Variants in GPATCH2L observed in about 807,000 individuals in gnomAD.
GPATCH2L encodes the protein G patch domain-containing protein 2-like.
GPATCH2L carries 31 observed loss-of-function variants against 57.4 expected under a neutral mutation model. The ratio of observed to expected loss-of-function variants is 0.54; its 90% CI spans 0.41 to 0.73. GPATCH2L has a LOEUF of 0.73. GPATCH2L is among the 30% of genes least tolerant of loss of function. The probability of loss-of-function intolerance (pLI) is 0.00; values close to 1 mark genes in which losing one functional copy is unlikely to be tolerated. For synonymous variants in GPATCH2L, 199 were observed against 210.7 expected, an observed-to-expected ratio of 0.94 and a Z score of 0.48; for missense variants, 481 against 599.9, an observed-to-expected ratio of 0.80 and a Z score of 2.07.
At chr14:76,153,672 G>A (rs2038159905) in intron 1 of GPATCH2L, 1 of 152,228 alleles carries the variant, frequency 6.6e-6, no homozygotes, top group Admixed American at 6.5e-5. Context: ...ATACCTGGTA[G>A]CTTCCAGGTG....
At chr14:76,191,906 A>G (rs187760238) in intron 8 of GPATCH2L, among the ~76,000 whole-genome samples, 63 of 152,110 alleles carry the variant, frequency 4.1e-4, no homozygotes, top group Admixed American at 8.5e-4. Flanking sequence ...CTATAAGTTT[A>G]TATCTTTTAA....
chr14:76,173,849 A>C (rs79425319), intron 5 of GPATCH2L: 7 of 506,698 alleles, frequency 1.4e-5, no homozygotes, highest in African/African-American at 5.9e-5. Context: ...AAAAAAAAAA[A>C]CACTGTCATT....
intron 2 of GPATCH2L, among the ~76,000 whole-genome samples, chr14:76,156,490 A>C (rs1478977204): frequency 6.6e-6 from 1 of 152,196 alleles, no homozygotes; most frequent in Non-Finnish European, 1.5e-5. Flanking sequence ...CATTCCTTCT[A>C]AGGTCTATTT....
At chr14:76,175,198 A>G (rs1298028627) in intron 5 of GPATCH2L, 1 of 152,196 alleles carries the variant, frequency 6.6e-6, no homozygotes, top group Non-Finnish European at 1.5e-5. Context: ...TTCCATGGAA[A>G]CAAGTCACTT....
At chr14:76,226,672 G>A (rs2040537753) in intron 1 of GPATCH2L, among the ~76,000 whole-genome samples, 3 of 152,134 alleles carry the variant, frequency 2.0e-5, no homozygotes, top group Non-Finnish European at 4.4e-5. Context: ...GCTCGTGGGC[G>A]TGGGTTCACC....
intron 7 of GPATCH2L, chr14:76,179,331 T>C (rs1229841652): frequency 2.0e-5 from 3 of 152,160 alleles, no homozygotes; most frequent in African/African-American, 4.8e-5. Context: ...TGAGCAAAAA[T>C]AATTGATATG....
chr14:76,230,790 C>G (rs1326388177), intron 2 of GPATCH2L, among the ~76,000 whole-genome samples: 1 of 152,152 alleles, frequency 6.6e-6, no homozygotes, highest in Non-Finnish European at 1.5e-5. Context: ...ATTAGCGTGG[C>G]TAGAGAACAG....
chr14:76,206,924 T>A lies in GPATCH2L; in HGVS notation c.*5073T>A, dbSNP rs1484653094. On this transcript the variant is annotated 3_prime_UTR_variant, in exon 10 of 10. Transcript: ENST00000261530. ...CTGTTAATGTCTTTATTTCTCATAT[T>A]TTTTTTTTCCCCTACAAGCTCCTGA... 1 of 149,770 alleles carries A rather than the reference T, an allele frequency of 6.7e-6. No individual in the cohort carries two copies. The highest frequency in any genetic ancestry group is 1.9e-4 in the East Asian group (1 of 5,142). The allele number at this position is 149,770 out of a possible 1,614,324, so 9.3% of individuals were successfully genotyped here.
chr14:76,172,804 T>C (rs1000361363), intron 4 of GPATCH2L, among the ~76,000 whole-genome samples: 3 of 152,222 alleles, frequency 2.0e-5, no homozygotes, highest in Non-Finnish European at 4.4e-5. Context: ...AGATGTAAAC[T>C]TGTATTATGT....
chr14:76,215,323 G>A (rs2040482312), downstream of GPATCH2L, among the ~76,000 whole-genome samples: 2 of 152,076 alleles, frequency 1.3e-5, no homozygotes, highest in East Asian at 1.9e-4. Flanking sequence ...TGGTGGGACT[G>A]TAAACTAGTT....
At chr14:76,180,192 A>G (rs1294360182) in intron 7 of GPATCH2L, among the ~76,000 whole-genome samples, 4 of 152,038 alleles carry the variant, frequency 2.6e-5, no homozygotes, top group African/African-American at 9.7e-5. Context: ...TGATTAGGTA[A>G]GACAGATAGT....
At chr14:76,168,964 A>C (rs1360992008) in intron 3 of GPATCH2L, among the ~76,000 whole-genome samples, 1 of 152,132 alleles carries the variant, frequency 6.6e-6, no homozygotes, top group East Asian at 1.9e-4. Flanking sequence ...TTATAACCAC[A>C]GTTCTTTGGG....
downstream of GPATCH2L, among the ~76,000 whole-genome samples, chr14:76,218,647 A>C (rs1468389199): frequency 6.6e-6 from 1 of 152,060 alleles, no homozygotes; most frequent in Non-Finnish European, 1.5e-5. Context: ...ATTGAAAAAA[A>C]TTATATAAAT....
intron 3 of GPATCH2L, among the ~76,000 whole-genome samples, chr14:76,168,153 C>T (rs1209164629): frequency 6.6e-6 from 1 of 152,190 alleles, no homozygotes; most frequent in East Asian, 1.9e-4. Context: ...GCTTCTCTGC[C>T]TTTGTTTATG....
chr14:76,196,337 C>A, intron 9 of GPATCH2L: 1 of 524,808 alleles, frequency 1.9e-6, no homozygotes, highest in Non-Finnish European at 3.4e-6. Flanking sequence ...ATTTTGCATA[C>A]AGTACAGTAC....
chr14:76,189,057 G>T (rs1240383707), intron 8 of GPATCH2L, among the ~76,000 whole-genome samples: 2 of 152,108 alleles, frequency 1.3e-5, no homozygotes, highest in Non-Finnish European at 2.9e-5. Context: ...TGTTCCATTG[G>T]TCTATGTGTC....
Position 76,207,057 on chromosome 14 carries a change from A to G in GPATCH2L, c.*5206A>G, listed in dbSNP as rs1900128. On this transcript the variant is annotated 3_prime_UTR_variant, in exon 10 of 10. Transcript: ENST00000261530. Reference sequence around the variant, plus strand: ...AGCCTGGGTGTGGTGACTCACGCCCATAATCCCAACACTTTGGGAGGCCAG... The same window carrying G: ...AGCCTGGGTGTGGTGACTCACGCCCGTAATCCCAACACTTTGGGAGGCCAG... 0.98 allele frequency: 149,954 copies of G among 152,436 alleles called. 73,804 individuals are homozygous for G. The highest frequency in any genetic ancestry group is 1 in the East Asian group (5,187 of 5,188). 9.4% of individuals were successfully genotyped at this position (152,436 alleles called of 1,614,324 possible). A position where few individuals can be genotyped will look rare whatever the true frequency, so the allele number is the denominator to read the frequency against.
chr14:76,154,852 TAAG>T lies in GPATCH2L; in HGVS notation c.493_495del (p.Lys165del). 1 of 1,614,190 alleles carries T rather than the reference TAAG, an allele frequency of 6.2e-7. No homozygotes were observed. The highest frequency in any genetic ancestry group is 8.5e-7 in the Non-Finnish European group (1 of 1,180,024). On this transcript the variant is annotated inframe_deletion, in exon 2 of 10. Coordinates refer to ENST00000261530, the MANE Select transcript of GPATCH2L (RefSeq NM_017926.4). The surrounding 1 kb of genome is among the most constrained non-coding windows in gnomAD (Gnocchi z 4.4). ...AGAGAGGCTGCAGGTTCAAGTCTGCTAAGAAGCAGCGTCTGTCCCGCTGGAAGG... is the reference window on the plus strand; with the variant it reads ...AGAGAGGCTGCAGGTTCAAGTCTGCTAAGCAGCGTCTGTCCCGCTGGAAGG...
At chr14:76,178,098 G>A in intron 7 of GPATCH2L, 56 bp downstream of exon 7, 1 of 1,400,818 alleles carries the variant, frequency 7.1e-7, no homozygotes, top group Non-Finnish European at 1.0e-6. Context: ...TTTTCTAAGA[G>A]TATCCAACAC....
Sources: allele counts gnomAD v4.1 joint callset (sites outside exome capture counted in the v4.1 genomes callset), GRCh38; gene constraint gnomAD v4.1.1; non-coding constraint Gnocchi (gnomAD v3.1); transcripts MANE v1.5; gene names NCBI Gene and HGNC (gene_info 2026-07-23, HGNC 2026-07-21).